C12orf42: variants seen among roughly 807,000 people sequenced by gnomAD.
C12orf42 encodes the protein chromosome 12 open reading frame 42, also known as uncharacterized protein C12orf42.
C12orf42 carries 25 observed loss-of-function variants against 21.6 expected under a neutral mutation model. The ratio of observed to expected loss-of-function variants is 1.16; its 90% CI spans 0.84 to 1.62. The LOEUF (loss-of-function observed/expected upper bound fraction) is 1.62. Among genes scored for constraint, C12orf42 ranks in the 40% most tolerant of loss-of-function variants. The pLI is 0.00. For missense variants in C12orf42, 483 were observed against 459.3 expected, an observed-to-expected ratio of 1.05 and a Z score of -0.47; for synonymous variants, 174 against 175.0, an observed-to-expected ratio of 0.99 and a Z score of 0.05.
At chr12:103,288,366 C>A (rs998582845) in intron 4 of C12orf42, among the ~76,000 whole-genome samples, 1 of 152,036 alleles carries the variant, frequency 6.6e-6, no homozygotes, top group African/African-American at 2.4e-5. Context: ...CAAACAAAAT[C>A]TAGGAGGTGT....
the C12orf42 span, among the ~76,000 whole-genome samples, chr12:103,512,297 CTGTGAAGGG>C: frequency 1.3e-5 from 2 of 151,768 alleles, no homozygotes; most frequent in Non-Finnish European, 2.9e-5. Flanking sequence ...TTACCAGAGG[CTGTGAAGGG>C]TGTGTGGGTG....
intron 5 of C12orf42, among the ~76,000 whole-genome samples, chr12:103,276,671 A>G (rs924363324): frequency 6.6e-6 from 1 of 152,240 alleles, no homozygotes; most frequent in Non-Finnish European, 1.5e-5. Context: ...ACCAAAAAAT[A>G]GATCAATCTT....
At chr12:103,286,942 A>G (rs1290957628) in intron 4 of C12orf42, among the ~76,000 whole-genome samples, 1 of 151,866 alleles carries the variant, frequency 6.6e-6, no homozygotes, top group Non-Finnish European at 1.5e-5. Context: ...TCCGTCTCAA[A>G]AAAAAAAAAA....
chr12:103,426,196 G>A (rs904610505), intron 2 of C12orf42, among the ~76,000 whole-genome samples: 1 of 152,052 alleles, frequency 6.6e-6, no homozygotes, highest in Non-Finnish European at 1.5e-5. Context: ...CCCAATGAAA[G>A]GAAGCTAAGA....
chr12:103,443,535 C>G (rs1026906221), intron 2 of C12orf42, among the ~76,000 whole-genome samples: 6 of 152,062 alleles, frequency 3.9e-5, no homozygotes, highest in African/African-American at 1.4e-4. Flanking sequence ...TCATCTAACC[C>G]TCAGCAATTC....
chr12:103,071,528 AT>A, the C12orf42 span, among the ~76,000 whole-genome samples: 1 of 152,060 alleles, frequency 6.6e-6, no homozygotes, highest in African/African-American at 2.4e-5. Context: ...AATTGTAATA[AT>A]CCCCATGTGT....
chr12:103,273,013 T>G (rs890944897), intron 5 of C12orf42, among the ~76,000 whole-genome samples: 4 of 152,248 alleles, frequency 2.6e-5, no homozygotes, highest in African/African-American at 9.6e-5. Flanking sequence ...ATTATTTTTA[T>G]GCTACCTGTG....
the C12orf42 span, among the ~76,000 whole-genome samples, chr12:103,188,801 C>G: frequency 3.3e-5 from 5 of 152,196 alleles, no homozygotes; most frequent in African/African-American, 9.7e-5. Flanking sequence ...GTGTCAGCAC[C>G]ACGATTCCTG....
At chr12:103,359,149 A>G (rs1177259572) in intron 4 of C12orf42, among the ~76,000 whole-genome samples, 1 of 151,978 alleles carries the variant, frequency 6.6e-6, no homozygotes, top group African/African-American at 2.4e-5. Context: ...AATGGCCCCA[A>G]TCCTCTTCAA....
intron 3 of C12orf42, among the ~76,000 whole-genome samples, chr12:103,375,364 C>T (rs2045605046): frequency 6.6e-6 from 1 of 152,070 alleles, no homozygotes; most frequent in Non-Finnish European, 1.5e-5. Flanking sequence ...AAATGTATCC[C>T]AGTGTTGTTG....
chr12:103,131,148 C>T, the C12orf42 span, among the ~76,000 whole-genome samples: 2 of 152,130 alleles, frequency 1.3e-5, no homozygotes, highest in Non-Finnish European at 2.9e-5. Flanking sequence ...AATATTAAAA[C>T]AGGTGAAAGT....
intron 3 of C12orf42, among the ~76,000 whole-genome samples, chr12:103,379,019 T>C (rs778709676): frequency 1.3e-5 from 2 of 151,970 alleles, no homozygotes; most frequent in Non-Finnish European, 2.9e-5. Flanking sequence ...CACACACACA[T>C]AGACACTTAG....
chr12:103,462,897 A>G (rs1314141321), intron 2 of C12orf42, among the ~76,000 whole-genome samples: 2 of 152,218 alleles, frequency 1.3e-5, no homozygotes, highest in African/African-American at 4.8e-5. Context: ...GGACAAGATC[A>G]CAGCAATGAC....
intron 10 of C12orf42, among the ~76,000 whole-genome samples, chr12:103,256,538 T>A (rs1425476794): frequency 6.6e-6 from 1 of 151,968 alleles, no homozygotes; most frequent in Non-Finnish European, 1.5e-5. Context: ...AGCCAACAGT[T>A]ATTTACTGAA....
chr12:103,389,356 T>C (rs1385952725), intron 3 of C12orf42, among the ~76,000 whole-genome samples: 1 of 152,236 alleles, frequency 6.6e-6, no homozygotes, highest in East Asian at 1.9e-4. Context: ...ACAATGACTC[T>C]GTTCCCCATC....
Position 103,306,128 on chromosome 12 carries a change from C to T in C12orf42, c.477G>A (p.Lys159=), listed in dbSNP as rs761646627. 1.9e-6 allele frequency: 3 copies of T among 1,613,934 alleles called. No individual in the cohort carries two copies. The highest frequency in any genetic ancestry group is 2.2e-5 in the East Asian group (1 of 44,890). ...ETEERARGAP[K]QAWNSSFLEQ... Reference sequence around the variant, plus strand: ...CCAAAAATGAACTGTTCCAAGCCTGCTTGGGTGCTCCTCTGGCTCTCTCCT... The same window carrying T: ...CCAAAAATGAACTGTTCCAAGCCTGTTTGGGTGCTCCTCTGGCTCTCTCCT... Residue 159 remains lysine (K), a synonymous_variant, in exon 5 of 6, where the codon AAG becomes AAA. Transcript: ENST00000548883.
the C12orf42 span, among the ~76,000 whole-genome samples, chr12:103,198,487 C>T: frequency 1.3e-5 from 2 of 152,316 alleles, no homozygotes; most frequent in Admixed American, 1.3e-4. Flanking sequence ...GCCAAAGCCA[C>T]CTAGAGGAGC....
At chr12:103,206,521 T>TACACAC in the C12orf42 span, among the ~76,000 whole-genome samples, 4,014 of 148,692 alleles carry the variant, frequency 0.027, 171 homozygotes, top group African/African-American at 0.09. Flanking sequence ...TTTTCTATAT[T>TACACAC]ACACACACAC....
chr12:103,376,403 T>C (rs2045698223), intron 3 of C12orf42, among the ~76,000 whole-genome samples: 1 of 151,066 alleles, frequency 6.6e-6, no homozygotes, highest in African/African-American at 2.4e-5. Context: ...CCAGGGCCTG[T>C]CGAGGGGTGG....
Sources: allele counts gnomAD v4.1 joint callset (sites outside exome capture counted in the v4.1 genomes callset), GRCh38; gene constraint gnomAD v4.1.1; transcripts MANE v1.5; gene names NCBI Gene and HGNC (gene_info 2026-07-23, HGNC 2026-07-21).